The following CRYL1 variants were observed in gnomAD, a reference collection of about 807,000 sequenced individuals.
CRYL1 encodes the protein lambda-crystallin homolog.
CRYL1 carries 29 observed loss-of-function variants against 36.6 expected under a neutral mutation model. The observed-to-expected ratio is 0.79, with a 90% confidence interval of 0.59 to 1.08. The LOEUF (loss-of-function observed/expected upper bound fraction) is 1.08, where lower values mean the gene tolerates loss of function less well. Among genes scored for constraint, CRYL1 ranks in the 50% least tolerant of loss-of-function variants. CRYL1 has a pLI of 0.00. For synonymous variants in CRYL1, 152 were observed against 151.5 expected (o/e 1.00, Z -0.02); for missense variants, 411 against 407.9 (o/e 1.01, Z -0.06).
chr13:20,434,253 G>A (rs1402110788), intron 4 of CRYL1, among the ~76,000 whole-genome samples: 1 of 152,164 alleles, frequency 6.6e-6, no homozygotes, highest in African/African-American at 2.4e-5. Context: ...AACTTGGGGA[G>A]CTTTTCTGTC....
At chr13:20,420,240 A>G (rs915430971) in intron 5 of CRYL1, among the ~76,000 whole-genome samples, 2 of 152,222 alleles carry the variant, frequency 1.3e-5, no homozygotes, top group African/African-American at 4.8e-5. Context: ...CGCAGGAGTC[A>G]GCGCTCCGGG....
intron 3 of CRYL1, among the ~76,000 whole-genome samples, chr13:20,489,082 A>C (rs892274023): frequency 6.6e-6 from 1 of 152,224 alleles, no homozygotes; most frequent in African/African-American, 2.4e-5. Flanking sequence ...TATTTTTGCT[A>C]AAACTGTTAA....
At chr13:20,449,863 A>G (rs890172598) in intron 3 of CRYL1, among the ~76,000 whole-genome samples, 160 of 152,314 alleles carry the variant, frequency 1.1e-3, no homozygotes, top group Non-Finnish European at 2.4e-4. Flanking sequence ...AAAACCTAAA[A>G]TATCTAGGAA....
At chr13:20,482,938 C>T (rs570085805) in intron 3 of CRYL1, among the ~76,000 whole-genome samples, 5 of 152,082 alleles carry the variant, frequency 3.3e-5, no homozygotes, top group Admixed American at 6.6e-5. Context: ...GTAAGCCAGG[C>T]ACAGAAAGGC....
intron 1 of CRYL1, among the ~76,000 whole-genome samples, chr13:20,518,527 C>A (rs1259351434): frequency 6.6e-6 from 1 of 152,202 alleles, no homozygotes; most frequent in Admixed American, 6.5e-5. Flanking sequence ...GAACGGTGAG[C>A]TCATTGCATG....
intron 5 of CRYL1, chr13:20,431,542 C>T: frequency 4.7e-5 from 47 of 1,006,082 alleles, no homozygotes; most frequent in Non-Finnish European, 5.5e-5. Flanking sequence ...AGAATGCGTG[C>T]AGCCAGGCCA....
rs571221450 is a variant in CRYL1, at chr13:20,512,495, TCA to T, written c.95_96del (p.Val32GlufsTer4). ...TGCTGTTGCTCAATGTCATAGAGTT[TCA>T]CCTGGAAGCCTCCACTGGCAAACAG... ...AMLFASGGFQ[V>X]KLYDIEQQQI... On this transcript the variant is annotated frameshift_variant, in exon 2 of 8. Transcript: ENST00000298248. LOFTEE classifies it high-confidence loss of function. 1.9e-6 allele frequency: 3 copies of T among 1,614,194 alleles called. No individual in the cohort carries two copies. The highest frequency in any genetic ancestry group is 2.5e-6 in the Non-Finnish European group (3 of 1,180,008).
At chr13:20,414,976 C>T (rs1272030664) in intron 5 of CRYL1, among the ~76,000 whole-genome samples, 1 of 152,214 alleles carries the variant, frequency 6.6e-6, no homozygotes, top group African/African-American at 2.4e-5. Context: ...TGTCTTTCAC[C>T]AGAGCTCTGT....
At position 20,495,533 on chromosome 13, in the gene CRYL1, G is replaced by C. The variant is rs1417302488; in HGVS notation, c.150-6037C>G. 6.6e-5 allele frequency among the ~76,000 whole-genome samples: 10 copies of C among 152,272 alleles called. No homozygotes were observed. The South Asian group carries it at 2.1e-3, about 32-fold the overall frequency. On this transcript the variant is annotated intron_variant, in intron 2 of 7. Transcript: ENST00000298248. ...TGAAGAAATTGGAACCTTGTGCACTGATGATGGGAATGTGGAAACGGCACA... is the reference window on the plus strand; with the variant it reads ...TGAAGAAATTGGAACCTTGTGCACTCATGATGGGAATGTGGAAACGGCACA...
intron 3 of CRYL1, among the ~76,000 whole-genome samples, chr13:20,466,151 C>A (rs533450907): frequency 1.3e-5 from 2 of 152,242 alleles, no homozygotes; most frequent in African/African-American, 4.8e-5. Flanking sequence ...AATTGCCCAG[C>A]CTCAGGTATT....
At chr13:20,496,977 G>A (rs1331048099) in intron 2 of CRYL1, among the ~76,000 whole-genome samples, 1 of 152,078 alleles carries the variant, frequency 6.6e-6, no homozygotes, top group Non-Finnish European at 1.5e-5. Context: ...ATGAGGTGGA[G>A]AAAGCTAAAA....
Position 20,403,966 on chromosome 13 carries a change from G to C in CRYL1, c.*163C>G. On this transcript the variant is annotated 3_prime_UTR_variant, in exon 8 of 8. Transcript: ENST00000298248. ...GCCCAGGGCTATGATCCAAAGTGAC[G>C]GGCAGACTACCGGCCTGCACCACCC... is the stretch of plus-strand genomic sequence containing the variant. 1.9e-6 allele frequency: 1 copy of C among 528,338 alleles called. No homozygotes were observed. The highest frequency in any genetic ancestry group is 2.8e-5 in the South Asian group (1 of 36,252). The allele number at this position is 528,338 out of a possible 1,614,324, so 32.7% of individuals were successfully genotyped here.
chr13:20,439,664 T>G lies in CRYL1; in HGVS notation c.367A>C (p.Thr123Pro). Residue 123 changes from threonine to proline, a missense_variant, in exon 4 of 8, where the codon ACT (threonine) becomes CCT (proline). Thr to Pro is a conservative substitution (Grantham distance 38, BLOSUM62 -1). Coordinates refer to ENST00000298248, the MANE Select transcript of CRYL1 (RefSeq NM_015974.3). The part of the protein sequence containing the change: ...IDDRVILSSS[T>P]SCLMPSKLFA... ...AACTTGGAAGGCATGAGACAAGAAG[T>G]GGAACTGCTTAAGATCACTCGATCA... 1.2e-6 allele frequency: 2 copies of G among 1,614,024 alleles called. No homozygotes were observed. The highest frequency in any genetic ancestry group is 1.7e-6 in the Non-Finnish European group (2 of 1,179,998).
intron 3 of CRYL1, 36 bp downstream of exon 3, chr13:20,489,334 G>A (rs375160199): frequency 1.2e-6 from 2 of 1,610,400 alleles, no homozygotes; most frequent in Non-Finnish European, 1.7e-6. Flanking sequence ...CAATGTCTCA[G>A]GCCCCACAGA....
At chr13:20,508,165 G>A (rs1349314207) in intron 2 of CRYL1, among the ~76,000 whole-genome samples, 1 of 151,598 alleles carries the variant, frequency 6.6e-6, no homozygotes, top group Admixed American at 6.6e-5. Context: ...GGAAGTGGAG[G>A]CTGCAGTGAG....
At chr13:20,487,742 G>A (rs2033429121) in intron 3 of CRYL1, among the ~76,000 whole-genome samples, 1 of 151,652 alleles carries the variant, frequency 6.6e-6, no homozygotes, top group African/African-American at 2.4e-5. Context: ...TCACACTACT[G>A]AACTCCAGCC....
At chr13:20,461,326 C>T (rs1416376077) in intron 3 of CRYL1, among the ~76,000 whole-genome samples, 2 of 152,224 alleles carry the variant, frequency 1.3e-5, no homozygotes, top group Non-Finnish European at 2.9e-5. Context: ...AGCATTTGCT[C>T]ATGGTTTTTA....
chr13:20,509,433 A>G (rs971923524), intron 2 of CRYL1, among the ~76,000 whole-genome samples: 1 of 152,128 alleles, frequency 6.6e-6, no homozygotes, highest in African/African-American at 2.4e-5. Context: ...TCTCTTTTCA[A>G]AATCTCAGGA....
intron 1 of CRYL1, among the ~76,000 whole-genome samples, chr13:20,517,638 T>C (rs2034024769): frequency 6.6e-6 from 1 of 150,586 alleles, no homozygotes; most frequent in African/African-American, 2.4e-5. Context: ...AAGTTTAAAA[T>C]AAAAAACAAT....
Sources: allele counts gnomAD v4.1 joint callset (sites outside exome capture counted in the v4.1 genomes callset), GRCh38; gene constraint gnomAD v4.1.1; transcripts MANE v1.5; gene names NCBI Gene and HGNC (gene_info 2026-07-23, HGNC 2026-07-21).